Variants in HEMK2 observed in about 807,000 individuals in gnomAD.
HEMK2 encodes HemK methyltransferase 2, ETF1 glutamine and histone H4 lysine.
the HEMK2 span, among the ~76,000 whole-genome samples, chr21:28,861,187 A>G: frequency 3.9e-5 from 6 of 152,344 alleles, no homozygotes; most frequent in African/African-American, 1.2e-4. Flanking sequence ...ACACTCGACT[A>G]CAAAATTAAA....
At chr21:28,728,022 A>G in the HEMK2 span, among the ~76,000 whole-genome samples, 1 of 152,224 alleles carries the variant, frequency 6.6e-6, no homozygotes, top group East Asian at 1.9e-4. Context: ...CAGGGCCATG[A>G]GCCAAGGAAT....
At chr21:28,664,572 T>C in the HEMK2 span, among the ~76,000 whole-genome samples, 1 of 152,168 alleles carries the variant, frequency 6.6e-6, no homozygotes, top group African/African-American at 2.4e-5. Flanking sequence ...ATTGAAAGCA[T>C]GACTTTTTCC....
the HEMK2 span, among the ~76,000 whole-genome samples, chr21:28,856,092 T>TG: frequency 6.6e-6 from 1 of 152,160 alleles, no homozygotes; most frequent in Non-Finnish European, 1.5e-5. Flanking sequence ...TATTATTTTA[T>TG]TTGTTGGGCA....
chr21:28,587,189 A>C, the HEMK2 span, among the ~76,000 whole-genome samples: 1 of 141,028 alleles, frequency 7.1e-6, no homozygotes, highest in East Asian at 2.0e-4. Flanking sequence ...AAAAAAAAAA[A>C]CACTTCAAAC....
the HEMK2 span, among the ~76,000 whole-genome samples, chr21:28,847,706 C>T: frequency 3.9e-5 from 6 of 152,286 alleles, no homozygotes; most frequent in African/African-American, 1.2e-4. Flanking sequence ...GGCCAATGTG[C>T]AAAATGCTAT....
chr21:28,695,486 G>T, the HEMK2 span, among the ~76,000 whole-genome samples: 2,160 of 152,262 alleles, frequency 0.014, 54 homozygotes, highest in African/African-American at 0.049. Flanking sequence ...ATGGTGGAAG[G>T]TGAATGAGGA....
the HEMK2 span, among the ~76,000 whole-genome samples, chr21:28,792,247 G>C: frequency 6.6e-6 from 1 of 152,134 alleles, no homozygotes; most frequent in African/African-American, 2.4e-5. Context: ...CCAACCAGCA[G>C]CCCTCTGGTT....
chr21:28,669,088 A>C, the HEMK2 span, among the ~76,000 whole-genome samples: 1 of 152,186 alleles, frequency 6.6e-6, no homozygotes, highest in African/African-American at 2.4e-5. Flanking sequence ...GGCTGGGTGC[A>C]GTGGTTCATG....
At chr21:28,795,026 C>T in the HEMK2 span, among the ~76,000 whole-genome samples, 2 of 152,178 alleles carry the variant, frequency 1.3e-5, no homozygotes, top group African/African-American at 2.4e-5. Flanking sequence ...AAATAGAACA[C>T]TACATAAAAA....
the HEMK2 span, among the ~76,000 whole-genome samples, chr21:28,754,566 G>A: frequency 2.8e-4 from 42 of 152,302 alleles, no homozygotes; most frequent in African/African-American, 8.7e-4. Flanking sequence ...TCTGAGAGGC[G>A]TTCCAAATAT....
the HEMK2 span, among the ~76,000 whole-genome samples, chr21:28,669,694 T>G: frequency 6.6e-6 from 1 of 152,192 alleles, no homozygotes; most frequent in African/African-American, 2.4e-5. Flanking sequence ...TGGACCCAAC[T>G]TGAATCAGAG....
the HEMK2 span, among the ~76,000 whole-genome samples, chr21:28,585,367 A>G: frequency 6.6e-6 from 1 of 151,118 alleles, no homozygotes; most frequent in Non-Finnish European, 1.5e-5. Flanking sequence ...ATAAATAAAT[A>G]TCAGAAGTAA....
the HEMK2 span, among the ~76,000 whole-genome samples, chr21:28,824,806 T>C: frequency 6.6e-6 from 1 of 152,178 alleles, no homozygotes; most frequent in African/African-American, 2.4e-5. Context: ...GAAGGGAATA[T>C]CCTAAAGGGT....
the HEMK2 span, among the ~76,000 whole-genome samples, chr21:28,597,387 T>C: frequency 3.9e-4 from 59 of 152,366 alleles, 1 homozygote; most frequent in East Asian, 7.3e-3. Context: ...GTGAGCACCA[T>C]TGTAGAAAGT....
chr21:28,840,462 A>G, the HEMK2 span, among the ~76,000 whole-genome samples: 1 of 152,164 alleles, frequency 6.6e-6, no homozygotes. Context: ...CACAATCGAT[A>G]CATCTGACAA....
the HEMK2 span, among the ~76,000 whole-genome samples, chr21:28,755,078 G>GGT: frequency 6.6e-6 from 1 of 151,994 alleles, no homozygotes; most frequent in Non-Finnish European, 1.5e-5. Flanking sequence ...CAGCAGCATG[G>GGT]GTGTGTGCAG....
chr21:28,708,113 A>T, the HEMK2 span, among the ~76,000 whole-genome samples: 1 of 152,186 alleles, frequency 6.6e-6, no homozygotes, highest in African/African-American at 2.4e-5. Flanking sequence ...ATATTTTCAA[A>T]ATTCCAGATT....
the HEMK2 span, among the ~76,000 whole-genome samples, chr21:28,575,808 G>C: frequency 3.1e-3 from 479 of 152,168 alleles, 3 homozygotes; most frequent in African/African-American, 0.011. Flanking sequence ...GGTTGCCTCT[G>C]TTTTTATTTC....
chr21:28,787,134 T>C, the HEMK2 span, among the ~76,000 whole-genome samples: 2 of 152,194 alleles, frequency 1.3e-5, no homozygotes, highest in African/African-American at 2.4e-5. Context: ...TTTCAACAAA[T>C]GGTGCTGGGA....
Sources: gnomAD v4.1 joint callset for allele counts (sites outside exome capture counted in the v4.1 genomes callset) on GRCh38, gnomAD v4.1.1 for gene constraint, MANE v1.5 for transcripts, NCBI Gene and HGNC (gene_info 2026-07-23, HGNC 2026-07-21) for gene names.